Variants in GABRB1 observed in about 807,000 individuals in gnomAD.
GABRB1 encodes gamma-aminobutyric acid receptor subunit beta-1.
In GABRB1, 17 loss-of-function variants were observed where a neutral mutation model predicts 51.6. The observed-to-expected ratio is 0.33, with a 90% CI of 0.23 to 0.49. The LOEUF is 0.49. Ranked by LOEUF, GABRB1 falls within the 20% of genes least tolerant of loss-of-function variation. GABRB1 has a pLI of 0.99. For synonymous variants in GABRB1, 247 were observed against 218.9 expected (o/e 1.13, Z -1.14); for missense variants, 410 against 600.6 (o/e 0.68, Z 3.32).
At chr4:47,251,640 G>A (rs981632664) in intron 4 of GABRB1, among the ~76,000 whole-genome samples, 2 of 152,098 alleles carry the variant, frequency 1.3e-5, no homozygotes, top group Non-Finnish European at 2.9e-5. Context: ...CGGAGGATGT[G>A]GGTGTCAATT....
At chr4:47,156,651 C>A (rs958691998) in intron 3 of GABRB1, among the ~76,000 whole-genome samples, 1 of 144,970 alleles carries the variant, frequency 6.9e-6, no homozygotes, top group Admixed American at 6.6e-5. Flanking sequence ...TTAATCATCT[C>A]TAGATTTTAA....
At chr4:47,293,604 A>G (rs1723844788) in intron 4 of GABRB1, among the ~76,000 whole-genome samples, 1 of 152,234 alleles carries the variant, frequency 6.6e-6, no homozygotes, top group Non-Finnish European at 1.5e-5. Context: ...AAAAATTATG[A>G]AAGATTTGAA....
chr4:47,272,686 A>G (rs1275989040), intron 4 of GABRB1, among the ~76,000 whole-genome samples: 3 of 152,192 alleles, frequency 2.0e-5, no homozygotes, highest in East Asian at 1.9e-4. Context: ...TGTAATTATA[A>G]TGAAGTTTTC....
intron 8 of GABRB1, among the ~76,000 whole-genome samples, chr4:47,421,908 C>A (rs184855881): frequency 3.9e-5 from 6 of 152,222 alleles, no homozygotes; most frequent in African/African-American, 1.4e-4. Context: ...AAGTACCTAA[C>A]AAAATCATGT....
chr4:47,378,839 A>G (rs1277539790), intron 5 of GABRB1, among the ~76,000 whole-genome samples: 1 of 152,200 alleles, frequency 6.6e-6, no homozygotes, highest in Non-Finnish European at 1.5e-5. Context: ...TGAAGGAAAT[A>G]TAATTGATTT....
At chr4:47,392,313 C>G (rs1728025561) in intron 5 of GABRB1, among the ~76,000 whole-genome samples, 1 of 149,586 alleles carries the variant, frequency 6.7e-6, no homozygotes, top group African/African-American at 2.5e-5. Context: ...GAGCCAGGAA[C>G]AGGAAGCTTC....
chr4:47,203,675 A>G (rs970079190), intron 4 of GABRB1, among the ~76,000 whole-genome samples: 1 of 152,098 alleles, frequency 6.6e-6, no homozygotes, highest in Admixed American at 6.6e-5. Context: ...TTTGTGACAC[A>G]GGGATGGCAC....
At chr4:47,394,563 A>G (rs909999284) in intron 5 of GABRB1, among the ~76,000 whole-genome samples, 1 of 152,216 alleles carries the variant, frequency 6.6e-6, no homozygotes, top group African/African-American at 2.4e-5. Flanking sequence ...CCATGCCTAG[A>G]TAAGTCAGAC....
chr4:47,077,365 C>G (rs575882526), intron 3 of GABRB1, among the ~76,000 whole-genome samples: 13 of 152,188 alleles, frequency 8.5e-5, no homozygotes, highest in African/African-American at 3.1e-4. Context: ...GAGTTTTGTA[C>G]AAAATAGTCA....
intron 4 of GABRB1, among the ~76,000 whole-genome samples, chr4:47,269,468 C>CTTAG (rs1722769798): frequency 6.6e-6 from 1 of 152,082 alleles, no homozygotes. Flanking sequence ...AATCATTTCA[C>CTTAG]TTAGTTGCAT....
chr4:47,070,173 CTA>C (rs1277211979), intron 3 of GABRB1, among the ~76,000 whole-genome samples: 2 of 150,224 alleles, frequency 1.3e-5, no homozygotes, highest in African/African-American at 4.9e-5. Context: ...GTAGCTGGGA[CTA>C]CAGGCAAGCA....
intron 3 of GABRB1, among the ~76,000 whole-genome samples, chr4:47,131,822 T>G (rs569317772): frequency 6.0e-4 from 91 of 152,306 alleles, no homozygotes; most frequent in African/African-American, 2.2e-3. Context: ...ATTTAAGAAC[T>G]TTGTTTCTTT....
intron 8 of GABRB1, among the ~76,000 whole-genome samples, chr4:47,413,854 C>A (rs1382442124): frequency 1.3e-5 from 2 of 152,122 alleles, no homozygotes; most frequent in Non-Finnish European, 2.9e-5. Context: ...TCCAGACATT[C>A]GGAGAGTTTC....
At chr4:47,318,996 G>A (rs1467616521) in intron 4 of GABRB1, among the ~76,000 whole-genome samples, 1 of 151,952 alleles carries the variant, frequency 6.6e-6, no homozygotes, top group Non-Finnish European at 1.5e-5. Context: ...CAAGATAGTA[G>A]CCTACCACAC....
chr4:47,251,929 G>A (rs1722005087), intron 4 of GABRB1, among the ~76,000 whole-genome samples: 2 of 152,046 alleles, frequency 1.3e-5, no homozygotes, highest in South Asian at 2.1e-4. Flanking sequence ...AACTGCAGAG[G>A]GAAAAAGGGC....
intron 5 of GABRB1, among the ~76,000 whole-genome samples, chr4:47,349,259 G>T (rs1169174280): frequency 6.6e-6 from 1 of 152,128 alleles, no homozygotes; most frequent in African/African-American, 2.4e-5. Context: ...GGGTAAGGAA[G>T]ATGGCTTGGG....
At chr4:47,090,181 T>C (rs10016131) in intron 3 of GABRB1, among the ~76,000 whole-genome samples, 2,379 of 152,316 alleles carry the variant, frequency 0.016, 53 homozygotes, top group African/African-American at 0.054. Context: ...TGAAAATAAG[T>C]TGTTTACTTT....
chr4:47,204,351 T>C (rs1297501056), intron 4 of GABRB1, among the ~76,000 whole-genome samples: 1 of 152,154 alleles, frequency 6.6e-6, no homozygotes, highest in Non-Finnish European at 1.5e-5. Flanking sequence ...TTTTAACATA[T>C]GCAGGGCCAC....
chr4:47,085,822 G>T (rs899367223), intron 3 of GABRB1, among the ~76,000 whole-genome samples: 1 of 152,084 alleles, frequency 6.6e-6, no homozygotes, highest in Non-Finnish European at 1.5e-5. Flanking sequence ...TGCCGGCTGT[G>T]CCCTGTCACC....
Sources: gnomAD v4.1 joint callset for allele counts (sites outside exome capture counted in the v4.1 genomes callset) on GRCh38, gnomAD v4.1.1 for gene constraint, MANE v1.5 for transcripts, NCBI Gene and HGNC (gene_info 2026-07-23, HGNC 2026-07-21) for gene names.